OR5K1: variants seen among roughly 807,000 people sequenced by gnomAD.
OR5K1 encodes olfactory receptor 5K1.
In OR5K1, 7 loss-of-function variants were observed where a neutral mutation model predicts 10.4. The observed-to-expected ratio is 0.67, with a 90% confidence interval of 0.38 to 1.26. OR5K1 has a LOEUF of 1.26. Ranked by LOEUF, OR5K1 falls within the 50% of genes most tolerant of loss-of-function variation. The probability of loss-of-function intolerance (pLI) is 0.02; values close to 1 mark genes in which losing one functional copy is unlikely to be tolerated. For synonymous variants in OR5K1, 135 were observed against 128.5 expected (o/e 1.05, Z -0.34); for missense variants, 435 against 366.2 (o/e 1.19, Z -1.53).
rs190098539 is a variant in OR5K1 at position 98,470,595 on chromosome 3, C to G, written c.*92C>G. ...CATGTGAAATTACACAGGGGAAATG[C>G]ATAAATTATAAGTAAAATTTTAATA... On this transcript the variant is annotated 3_prime_UTR_variant, in exon 2 of 2. Transcript: ENST00000642057. 5.4e-5 allele frequency: 37 copies of G among 684,728 alleles called. No homozygotes were observed. In the Admixed American group the frequency reaches 1.2e-3, roughly 22 times the overall value. 42.4% of individuals were successfully genotyped at this position (684,728 alleles called of 1,614,324 possible).
chr3:98,463,275 G>A lies in OR5K1; in HGVS notation c.-44G>A, dbSNP rs1489302470. 4 of 152,106 alleles carry A rather than the reference G, an allele frequency of 2.6e-5. No individual in the cohort carries two copies. The highest frequency in any genetic ancestry group is 5.9e-5 in the Non-Finnish European group (4 of 68,022). The allele number at this position is 152,106 out of a possible 1,614,324, so 9.4% of individuals were successfully genotyped here. On this transcript the variant is annotated 5_prime_UTR_variant, in exon 1 of 2. The change creates a premature stop within an existing upstream ORF in the 5' untranslated region. Coordinates refer to ENST00000642057, the MANE Select transcript of OR5K1 (RefSeq NM_001004736.4). The stretch of plus-strand genomic sequence containing the variant: ...AAAACTGTTATCAGGCAACCTACTG[G>A]CCCCTTTAAAACTCTTACCAGGGAA...
At position 98,471,319 on chromosome 3, in the gene OR5K1, T is replaced by TCAA. The variant is rs1360268151; in HGVS notation, c.*820_*822dup. ...CCTACTTGAGAGGTGAGGAAAGGTT[T>TCAA]CAACAATAGAGACCACTACCCTGGG... On this transcript the variant is annotated 3_prime_UTR_variant, in exon 2 of 2. Transcript: ENST00000642057. The TCAA allele has an allele frequency of 3.9e-5, 6 of 151,972 alleles. No homozygotes were observed. Among genetic ancestry groups the TCAA allele is most frequent in the African/African-American group, 1.4e-4 (6 of 41,410 alleles). 9.4% of individuals were successfully genotyped at this position (151,972 alleles called of 1,614,324 possible). A position where few individuals can be genotyped will look rare whatever the true frequency, so the allele number is the denominator to read the frequency against.
chr3:98,469,711 G>T lies in OR5K1; in HGVS notation c.135G>T (p.Leu45Phe), dbSNP rs562938993. ...YLITVVGNIS[L>F]VALIFTHRRL... ...TCACCGTGGTGGGGAATATTAGTTT[G>T]GTGGCACTGATATTTACACACCGTC... The change falls in exon 2 of 2, where the codon TTG becomes TTT. Residue 45 changes from leucine (L) to phenylalanine (F), a missense_variant. Leu to Phe is a conservative substitution (Grantham distance 22, BLOSUM62 0). Coordinates refer to ENST00000642057, the MANE Select transcript of OR5K1 (RefSeq NM_001004736.4). 2 of 1,613,738 alleles carry T rather than the reference G, an allele frequency of 1.2e-6. No homozygotes were observed. The highest frequency in any genetic ancestry group is 1.1e-5 in the South Asian group (1 of 91,076).
In OR5K1 at chr3:98,469,974, A is replaced by T. The variant is rs536909682; in HGVS notation, c.398A>T (p.His133Leu). 6.2e-7 allele frequency: 1 copy of T among 1,613,578 alleles called. No homozygotes were observed. Among genetic ancestry groups the T allele is most frequent in the Non-Finnish European group, 8.5e-7 (1 of 1,179,812 alleles). The change falls in exon 2 of 2, where the codon CAC becomes CTC. Residue 133 changes from histidine (H) to leucine (L), a missense_variant. His to Leu is a moderately conservative substitution (Grantham distance 99, BLOSUM62 -3). Transcript: ENST00000642057. The part of the protein sequence containing the change: ...YVAICNPLQY[H>L]IMMSKKLCIQ... ...GCCATATGCAACCCACTGCAGTACC[A>T]CATCATGATGTCCAAGAAACTCTGC...
chr3:98,471,130 A>G lies in OR5K1; in HGVS notation c.*627A>G, dbSNP rs1470908165. 1.3e-5 allele frequency: 2 copies of G among 152,092 alleles called. No individual in the cohort carries two copies. The highest frequency in any genetic ancestry group is 2.9e-5 in the Non-Finnish European group (2 of 68,006). The allele number at this position is 152,092 out of a possible 1,614,324, so 9.4% of individuals were successfully genotyped here. A position where few individuals can be genotyped will look rare whatever the true frequency, so the allele number is the denominator to read the frequency against. On this transcript the variant is annotated 3_prime_UTR_variant, in exon 2 of 2. Coordinates refer to ENST00000642057, the MANE Select transcript of OR5K1 (RefSeq NM_001004736.4). ...TATTACTGAGTTAAATATTAAACACAGAATGTCAATTTTCAAGTCAAGCTA... is the reference window on the plus strand; with the variant it reads ...TATTACTGAGTTAAATATTAAACACGGAATGTCAATTTTCAAGTCAAGCTA...
intron 1 of OR5K1, 126 bp downstream of exon 1, chr3:98,463,433 A>G (rs1705335535): frequency 6.6e-6 from 1 of 152,144 alleles, no homozygotes; most frequent in South Asian, 2.1e-4. Context: ...TGGTTAAATT[A>G]TTTTTAAATC....
chr3:98,464,090 G>T (rs957913930), intron 1 of OR5K1, among the ~76,000 whole-genome samples: 1 of 151,702 alleles, frequency 6.6e-6, no homozygotes, highest in African/African-American at 2.4e-5. Flanking sequence ...CCCCACCTCT[G>T]CTAAAAATAC....
At position 98,471,740 on chromosome 3, in the gene OR5K1, C is replaced by T. The variant is rs550220980; in HGVS notation, c.*1237C>T. On this transcript the variant is annotated 3_prime_UTR_variant, in exon 2 of 2. Transcript: ENST00000642057. Reference sequence around the variant, plus strand: ...ATTCCCAGAAAGCAATTGTCAAGTGCTCCAGGTTAGCCAGCCACCAGAGGC... The same window carrying T: ...ATTCCCAGAAAGCAATTGTCAAGTGTTCCAGGTTAGCCAGCCACCAGAGGC... 2 of 152,140 alleles carry T rather than the reference C, an allele frequency of 1.3e-5. No individual in the cohort carries two copies. The highest frequency in any genetic ancestry group is 6.6e-5 in the Admixed American group (1 of 15,234). 9.4% of individuals were successfully genotyped at this position (152,140 alleles called of 1,614,324 possible).
rs892257598 is a variant in OR5K1 at position 98,469,903 on chromosome 3, T to G, written c.327T>G (p.Thr109=). 7 of 1,613,670 alleles carry G rather than the reference T, an allele frequency of 4.3e-6. No homozygotes were observed. Among genetic ancestry groups the G allele is most frequent in the African/African-American group, 1.3e-5 (1 of 74,906 alleles). ...VQFYFLCTVE[T]ADCFLLAAMA... is the part of the protein sequence containing the mutation. ...TTTATTTTCTTTGCACTGTGGAAAC[T>G]GCAGACTGCTTTCTTCTGGCAGCAA... Residue 109 remains threonine (T), a synonymous_variant, in exon 2 of 2, where the codon ACT becomes ACG. Transcript: ENST00000642057.
Position 98,470,239 on chromosome 3 carries a change from T to G in OR5K1, c.663T>G (p.Ile221Met), listed in dbSNP as rs1263684590. The change falls in exon 2 of 2, where the codon ATT becomes ATG. Residue 221 changes from isoleucine (I) to methionine (M), a missense_variant. Coordinates refer to ENST00000642057, the MANE Select transcript of OR5K1 (RefSeq NM_001004736.4). ...GTGTCTTAATATCTTATCTCTATAT[T>G]CTTCTTACTATTTTCAAAATGAAAT... ...IGSVLISYLYILLTIFKMKSK... is the reference protein window; with the variant it reads ...IGSVLISYLYMLLTIFKMKSK... 6.2e-7 allele frequency: 1 copy of G among 1,612,920 alleles called. No individual in the cohort carries two copies. The highest frequency in any genetic ancestry group is 1.7e-5 in the Admixed American group (1 of 59,840).
chr3:98,470,138 T>G lies in OR5K1; in HGVS notation c.562T>G (p.Ser188Ala), dbSNP rs1285715393. 1 of 1,613,480 alleles carries G rather than the reference T, an allele frequency of 6.2e-7. No individual in the cohort carries two copies. The highest frequency in any genetic ancestry group is 1.3e-5 in the African/African-American group (1 of 74,870). The change falls in exon 2 of 2, where the codon TCT becomes GCT. Residue 188 changes from serine to alanine, a missense_variant. Transcript: ENST00000642057. ...YCDILPLYRL[S>A]CVDPYINELV... is the part of the protein sequence containing the mutation. ...TGATATTCTTCCCTTGTATAGACTC[T>G]CTTGTGTTGATCCTTATATCAATGA...
rs1428784068 is a variant in OR5K1 at position 98,470,559 on chromosome 3, G to A, written c.*56G>A. ...ACTATAGCTTAATGATTTAAATGCAGCAAAAACTTCCATGTGAAATTACAC... is the reference window on the plus strand; with the variant it reads ...ACTATAGCTTAATGATTTAAATGCAACAAAAACTTCCATGTGAAATTACAC... On this transcript the variant is annotated 3_prime_UTR_variant, in exon 2 of 2. Coordinates refer to ENST00000642057, the MANE Select transcript of OR5K1 (RefSeq NM_001004736.4). 5 of 1,036,452 alleles carry A rather than the reference G, an allele frequency of 4.8e-6. No individual in the cohort carries two copies. Among genetic ancestry groups the A allele is most frequent in the South Asian group, 1.7e-5 (1 of 57,646 alleles). The allele number at this position is 1,036,452 out of a possible 1,614,324, so 64.2% of individuals were successfully genotyped here. A position where few individuals can be genotyped will look rare whatever the true frequency, so the allele number is the denominator to read the frequency against.
At chr3:98,465,948 G>T (rs1270172406) in intron 1 of OR5K1, among the ~76,000 whole-genome samples, 5 of 150,218 alleles carry the variant, frequency 3.3e-5, no homozygotes, top group Admixed American at 6.6e-5. Flanking sequence ...TGCACATTGT[G>T]CAGGTTAGTT....
rs993257862 is a variant in OR5K1, at chr3:98,470,191, A to G, written c.615A>G (p.Ser205=). Residue 205 remains serine (S), a synonymous_variant, in exon 2 of 2, where the codon TCA becomes TCG. Coordinates refer to ENST00000642057, the MANE Select transcript of OR5K1 (RefSeq NM_001004736.4). ...TGGTTCTATTCATCTTCTCAGGTTC[A>G]GTTCAAGTCTTTACCATAGGTAGTG... ...NELVLFIFSG[S]VQVFTIGSVL... 2 of 1,613,258 alleles carry G rather than the reference A, an allele frequency of 1.2e-6. No homozygotes were observed. The highest frequency in any genetic ancestry group is 4.5e-5 in the East Asian group (2 of 44,864).
chr3:98,463,771 C>G (rs1388312510), intron 1 of OR5K1, among the ~76,000 whole-genome samples: 1 of 152,128 alleles, frequency 6.6e-6, no homozygotes, highest in East Asian at 1.9e-4. Context: ...GAGGAATGTT[C>G]TAGTTTCTTT....
At position 98,470,070 on chromosome 3, in the gene OR5K1, G is replaced by C; in HGVS notation, c.494G>C (p.Arg165Thr). ...ATGATTCATGTAGGGCTTGTATTTA[G>C]GTTAGTTTTCTGTGGATCGAATCAC... ...HSMIHVGLVF[R>T]LVFCGSNHIN... is the part of the protein sequence containing the mutation. Residue 165 changes from arginine to threonine, a missense_variant, in exon 2 of 2, where the codon AGG becomes ACG. Arg to Thr is a moderately conservative substitution (Grantham distance 71). Coordinates refer to ENST00000642057, the MANE Select transcript of OR5K1 (RefSeq NM_001004736.4). The C allele has an allele frequency of 6.2e-7, 1 of 1,613,588 alleles. No individual in the cohort carries two copies. The highest frequency in any genetic ancestry group is 8.5e-7 in the Non-Finnish European group (1 of 1,179,698).
In OR5K1 at chr3:98,472,680, C is replaced by CTCAGAAATAAAAGGTATGCTCAGAAATA. The variant is rs1705464225; in HGVS notation, c.*2177_*2178insTCAGAAATAAAAGGTATGCTCAGAAATA. 1 of 151,824 alleles carries CTCAGAAATAAAAGGTATGCTCAGAAATA rather than the reference C, an allele frequency of 6.6e-6. No individual in the cohort carries two copies. The highest frequency in any genetic ancestry group is 1.5e-5 in the Non-Finnish European group (1 of 67,930). 9.4% of individuals were successfully genotyped at this position (151,824 alleles called of 1,614,324 possible). On this transcript the variant is annotated 3_prime_UTR_variant, in exon 2 of 2. Transcript: ENST00000642057. ...AGTCTATTCTCTCTGTCTGGAATAT[C>CTCAGAAATAAAAGGTATGCTCAGAAATA]AAAGGTATGCTCAGAAATAAAAAAA...
In OR5K1 at chr3:98,469,895, G is replaced by A. The variant is rs1390516988; in HGVS notation, c.319G>A (p.Val107Met). Residue 107 changes from valine (V) to methionine (M), a missense_variant, in exon 2 of 2, where the codon GTG (valine) becomes ATG (methionine). Physicochemically the swap from Val to Met is conservative, Grantham distance 21. Coordinates refer to ENST00000642057, the MANE Select transcript of OR5K1 (RefSeq NM_001004736.4). The stretch of plus-strand genomic sequence containing the variant: ...AGTACAGTTTTATTTTCTTTGCACT[G>A]TGGAAACTGCAGACTGCTTTCTTCT... ...CAVQFYFLCT[V>M]ETADCFLLAA... The A allele has an allele frequency of 1.2e-6, 2 of 1,613,546 alleles. No homozygotes were observed. Among genetic ancestry groups the A allele is most frequent in the African/African-American group, 1.3e-5 (1 of 74,872 alleles).
At chr3:98,466,823 C>T (rs970330849) in intron 1 of OR5K1, among the ~76,000 whole-genome samples, 1,934 of 132,196 alleles carry the variant, frequency 0.015, 152 homozygotes, top group African/African-American at 0.045. Flanking sequence ...GTGTAGGTTG[C>T]GAAAATTTTC....
Sources: allele counts gnomAD v4.1 joint callset (sites outside exome capture counted in the v4.1 genomes callset), GRCh38; gene constraint gnomAD v4.1.1; transcripts MANE v1.5; gene names NCBI Gene and HGNC (gene_info 2026-07-23, HGNC 2026-07-21).